INO80: variants seen among roughly 807,000 people sequenced by gnomAD.
INO80 encodes INO80 complex ATPase subunit.
In INO80, 20 loss-of-function variants were observed where a neutral mutation model predicts 203.4. The ratio of observed to expected loss-of-function variants is 0.10; its 90% confidence interval spans 0.07 to 0.14. INO80 has a LOEUF of 0.14. Ranked by LOEUF, INO80 falls within the 10% of genes least tolerant of loss-of-function variation. The pLI is 1.00. For synonymous variants in INO80, 726 were observed against 685.2 expected (o/e 1.06, Z -0.93); for missense variants, 1,419 against 1,914.4 (o/e 0.74, Z 4.83).
intron 5 of INO80, 60 bp downstream of exon 5, chr15:41,091,967 T>C: frequency 1.4e-6 from 2 of 1,446,742 alleles, no homozygotes; most frequent in East Asian, 2.3e-5. Flanking sequence ...GATGTATCTT[T>C]AATGACTATA....
At position 40,993,550 on chromosome 15, in the gene INO80, G is replaced by A. The variant is rs1486732810; in HGVS notation, c.3570+3979C>T. On this transcript the variant is annotated intron_variant, in intron 29 of 35. Coordinates refer to ENST00000648947, the MANE Select transcript of INO80 (RefSeq NM_017553.3). ...AGGCAGGCAGATCACCTGAGGTCAG[G>A]AGTTTTGAGACCAGCCTGGCCAACG... Among the ~76,000 whole-genome samples, 2 of 152,066 alleles carry A rather than the reference G, an allele frequency of 1.3e-5. 1 individual carries two copies. Among genetic ancestry groups the A allele is most frequent in the Non-Finnish European group, 2.9e-5 (2 of 68,024 alleles).
intron 7 of INO80, among the ~76,000 whole-genome samples, chr15:41,083,189 G>A (rs1415168738): frequency 1.3e-5 from 2 of 150,096 alleles, no homozygotes; most frequent in East Asian, 4.0e-4. Context: ...GGAGGCTGAA[G>A]GAGGAGAATG....
chr15:41,026,348 T>C (rs754808099), intron 25 of INO80, among the ~76,000 whole-genome samples: 9 of 150,270 alleles, frequency 6.0e-5, no homozygotes, highest in Non-Finnish European at 8.9e-5. Flanking sequence ...AACTCAGGAG[T>C]TGGAGAATAG....
At chr15:41,110,487 G>A (rs1467936149) in intron 1 of INO80, among the ~76,000 whole-genome samples, 2 of 152,126 alleles carry the variant, frequency 1.3e-5, no homozygotes, top group Non-Finnish European at 2.9e-5. Context: ...CACCCAGGCT[G>A]GAGTGCAGTG....
intron 27 of INO80, among the ~76,000 whole-genome samples, chr15:41,008,101 G>A (rs1241825463): frequency 6.6e-6 from 1 of 152,132 alleles, no homozygotes; most frequent in South Asian, 2.1e-4. Context: ...CTGAGCCCAG[G>A]GAGTTTGAGG....
intron 14 of INO80, among the ~76,000 whole-genome samples, chr15:41,069,235 G>A (rs1228388674): frequency 5.4e-5 from 8 of 149,188 alleles, no homozygotes; most frequent in African/African-American, 1.7e-4. Flanking sequence ...ACCTCCCCTC[G>A]CCCCCTCACC....
rs1030076482 is a variant in INO80, at chr15:40,979,850, G to A, written c.*373C>T. The A allele has an allele frequency of 3.4e-5, 9 of 263,906 alleles. No homozygotes were observed. The highest frequency in any genetic ancestry group is 1.5e-4 in the African/African-American group (7 of 45,572). 16.3% of individuals were successfully genotyped at this position (263,906 alleles called of 1,614,324 possible). Reference sequence around the variant, plus strand: ...ATGGAAGGCTCTTCACAGCACCTGCGGAGACTTTGCAAGGGACGTGTCAGA... The same window carrying A: ...ATGGAAGGCTCTTCACAGCACCTGCAGAGACTTTGCAAGGGACGTGTCAGA... On this transcript the variant is annotated 3_prime_UTR_variant, in exon 36 of 36. Transcript: ENST00000648947.
intron 14 of INO80, among the ~76,000 whole-genome samples, chr15:41,068,751 T>C (rs2045263589): frequency 6.6e-6 from 1 of 152,130 alleles, no homozygotes; most frequent in Non-Finnish European, 1.5e-5. Context: ...TCCCAGTTAC[T>C]CAGGAGGCTG....
At chr15:40,984,138 T>C (rs1417417126) in intron 33 of INO80, 59 bp downstream of exon 33, 4 of 1,558,050 alleles carry the variant, frequency 2.6e-6, no homozygotes, top group East Asian at 4.6e-5. Flanking sequence ...AGTGTGTCCC[T>C]GCTACACGGT....
intron 27 of INO80, chr15:41,013,320 GT>G (rs1313389102): frequency 6.6e-6 from 1 of 152,190 alleles, no homozygotes; most frequent in Non-Finnish European, 1.5e-5. Context: ...TTAAGTTTGT[GT>G]TTTTTCTTAA....
At chr15:41,099,945 T>A (rs929242093) in intron 1 of INO80, among the ~76,000 whole-genome samples, 2 of 152,210 alleles carry the variant, frequency 1.3e-5, no homozygotes, top group Non-Finnish European at 2.9e-5. Flanking sequence ...ACTACTCTGC[T>A]TGGCTCCATC....
At chr15:41,008,137 A>G (rs575383462) in intron 27 of INO80, among the ~76,000 whole-genome samples, 4 of 152,250 alleles carry the variant, frequency 2.6e-5, no homozygotes, top group Middle Eastern at 3.4e-3. Flanking sequence ...ATCATGCCAC[A>G]GCACTGCAGC....
intron 5 of INO80, among the ~76,000 whole-genome samples, chr15:41,090,152 G>C (rs919743997): frequency 6.6e-6 from 1 of 152,198 alleles, no homozygotes; most frequent in South Asian, 2.1e-4. Context: ...AAGAAGAAAT[G>C]AAATGCTGAT....
chr15:40,992,814 G>T (rs1378963169), intron 29 of INO80, among the ~76,000 whole-genome samples: 1 of 151,962 alleles, frequency 6.6e-6, no homozygotes, highest in Non-Finnish European at 1.5e-5. Flanking sequence ...TTTTCTTGAG[G>T]CAGGAGCTCT....
Position 40,979,754 on chromosome 15 carries a change from T to C in INO80, c.*469A>G, listed in dbSNP as rs1002972989. 1 of 174,786 alleles carries C rather than the reference T, an allele frequency of 5.7e-6. No homozygotes were observed. Among genetic ancestry groups the C allele is most frequent in the Non-Finnish European group, 1.2e-5 (1 of 80,684 alleles). 10.8% of individuals were successfully genotyped at this position (174,786 alleles called of 1,614,324 possible). On this transcript the variant is annotated 3_prime_UTR_variant, in exon 36 of 36. Transcript: ENST00000648947. ...GAGACCTGGGGAGCTGCCTGAAGAC[T>C]GTGGACAACAGGTATACAATCTCCC...
At chr15:41,077,062 C>T (rs1277228217) in intron 9 of INO80, among the ~76,000 whole-genome samples, 1 of 151,998 alleles carries the variant, frequency 6.6e-6, no homozygotes, top group Non-Finnish European at 1.5e-5. Context: ...TGTATGCCAC[C>T]ACACCCAGCT....
At chr15:41,024,548 C>G (rs921221756) in intron 25 of INO80, 22 of 152,356 alleles carry the variant, frequency 1.4e-4, no homozygotes, top group African/African-American at 5.3e-4. Flanking sequence ...GGGCTGCCCC[C>G]TTAAGCGTTC....
chr15:41,078,146 C>G (rs112751747), intron 9 of INO80, among the ~76,000 whole-genome samples: 1 of 152,114 alleles, frequency 6.6e-6, no homozygotes, highest in Admixed American at 6.6e-5. Flanking sequence ...GATCCACCCA[C>G]CTCGGCCTCC....
intron 5 of INO80, among the ~76,000 whole-genome samples, chr15:41,088,152 A>G (rs1329735515): frequency 7.3e-6 from 1 of 136,102 alleles, no homozygotes; most frequent in Non-Finnish European, 1.5e-5. Flanking sequence ...GTGCAGCGGC[A>G]TGATCTGGGC....
Sources: gnomAD v4.1 joint callset for allele counts (sites outside exome capture counted in the v4.1 genomes callset) on GRCh38, gnomAD v4.1.1 for gene constraint, MANE v1.5 for transcripts, NCBI Gene and HGNC (gene_info 2026-07-23, HGNC 2026-07-21) for gene names.